Variants in SPON1 observed in about 807,000 individuals in gnomAD.
SPON1 encodes the protein spondin-1.
Under a neutral mutation model 111.7 loss-of-function variants are expected in SPON1, and 52 were observed. The observed-to-expected ratio is 0.47, with a 90% CI of 0.37 to 0.59. The LOEUF (loss-of-function observed/expected upper bound fraction) is 0.59, where lower values mean the gene tolerates loss of function less well. SPON1 is among the 20% of genes least tolerant of loss of function. The pLI, the probability that SPON1 is intolerant of heterozygous loss-of-function variation, is 0.00. For missense variants in SPON1, 957 were observed against 1,068.5 expected, an observed-to-expected ratio of 0.90 and a Z score of 1.46; for synonymous variants, 410 against 395.8, an observed-to-expected ratio of 1.04 and a Z score of -0.43.
chr11:14,239,202 C>T (rs1190441175), intron 6 of SPON1, among the ~76,000 whole-genome samples: 1 of 152,136 alleles, frequency 6.6e-6, no homozygotes, highest in Non-Finnish European at 1.5e-5. Context: ...CTGTGTGCTC[C>T]AGTCTCTGTA....
At chr11:14,106,795 C>T (rs897539073) in intron 5 of SPON1, among the ~76,000 whole-genome samples, 10 of 152,046 alleles carry the variant, frequency 6.6e-5, no homozygotes, top group African/African-American at 2.2e-4. Flanking sequence ...AGTTGTAATC[C>T]CTTTACTATA....
At chr11:14,124,416 A>G (rs991009580) in intron 5 of SPON1, among the ~76,000 whole-genome samples, 5 of 152,082 alleles carry the variant, frequency 3.3e-5, no homozygotes, top group African/African-American at 7.2e-5. Context: ...GTGCCCCCTT[A>G]TTTGTGCTGT....
intron 7 of SPON1, among the ~76,000 whole-genome samples, chr11:14,246,746 G>A (rs1848994957): frequency 6.6e-6 from 1 of 152,166 alleles, no homozygotes; most frequent in South Asian, 2.1e-4. Context: ...TCCTTATGGA[G>A]ATTACAATTC....
chr11:14,196,939 A>T (rs781818340), intron 6 of SPON1, among the ~76,000 whole-genome samples: 1 of 152,186 alleles, frequency 6.6e-6, no homozygotes, highest in Non-Finnish European at 1.5e-5. Flanking sequence ...AGTCCCAGCT[A>T]CTTGGGAGGC....
chr11:14,119,709 C>T (rs1849290883), intron 5 of SPON1, among the ~76,000 whole-genome samples: 1 of 152,190 alleles, frequency 6.6e-6, no homozygotes, highest in African/African-American at 2.4e-5. Flanking sequence ...AAGCTGTCTA[C>T]TTGCCACATG....
chr11:14,084,306 A>G (rs982590694), intron 5 of SPON1, among the ~76,000 whole-genome samples: 1 of 151,656 alleles, frequency 6.6e-6, no homozygotes, highest in Non-Finnish European at 1.5e-5. Flanking sequence ...CTTGCCCTGC[A>G]CTCCCCGACA....
chr11:14,145,499 A>G (rs1847706770), intron 6 of SPON1, among the ~76,000 whole-genome samples: 1 of 152,250 alleles, frequency 6.6e-6, no homozygotes, highest in Non-Finnish European at 1.5e-5. Context: ...CTTAAGATTT[A>G]GAAGACAATT....
chr11:14,198,662 T>C (rs1848428064), intron 6 of SPON1, among the ~76,000 whole-genome samples: 1 of 152,218 alleles, frequency 6.6e-6, no homozygotes, highest in Non-Finnish European at 1.5e-5. Context: ...ATTCAGGGCG[T>C]GGGCCCTGGA....
chr11:14,107,760 AGT>A (rs1299737438), intron 5 of SPON1, among the ~76,000 whole-genome samples: 5 of 152,188 alleles, frequency 3.3e-5, no homozygotes, highest in Admixed American at 3.3e-4. Flanking sequence ...GCCTTTCTAA[AGT>A]GAGAGAAACT....
intron 6 of SPON1, among the ~76,000 whole-genome samples, chr11:14,242,896 A>G (rs1282077500): frequency 6.6e-6 from 1 of 152,244 alleles, no homozygotes; most frequent in Non-Finnish European, 1.5e-5. Context: ...TTGAGGGGAC[A>G]GTCCTCAGGG....
At chr11:14,264,463 T>TA (rs1443561002) in intron 15 of SPON1, among the ~76,000 whole-genome samples, 1 of 152,220 alleles carries the variant, frequency 6.6e-6, no homozygotes, top group African/African-American at 2.4e-5. Context: ...GGTGCCCATG[T>TA]AAAAAAGTGA....
chr11:14,069,959 A>G (rs1848862438), intron 3 of SPON1, among the ~76,000 whole-genome samples: 1 of 152,136 alleles, frequency 6.6e-6, no homozygotes, highest in South Asian at 2.1e-4. Flanking sequence ...ACTCTTGAAC[A>G]TACCTCCATT....
At chr11:14,251,381 T>G (rs1849052334) in intron 7 of SPON1, among the ~76,000 whole-genome samples, 1 of 152,240 alleles carries the variant, frequency 6.6e-6, no homozygotes. Context: ...GCTACAGATT[T>G]GGATACAACA....
At position 14,267,403 on chromosome 11, in the gene SPON1, C is replaced by T. The variant is rs184608420; in HGVS notation, c.*1716C>T. ...GAATTGCTTTCTCCCAAAAAAAGCA[C>T]AATATAAAGAAACACAAGATTTAAT... is the stretch of plus-strand genomic sequence containing the variant. On this transcript the variant is annotated 3_prime_UTR_variant, in exon 16 of 16. Transcript: ENST00000576479. The T allele has an allele frequency of 1.3e-5, 2 of 151,974 alleles. No individual in the cohort carries two copies. The highest frequency in any genetic ancestry group is 6.6e-5 in the Admixed American group (1 of 15,254). 9.4% of individuals were successfully genotyped at this position (151,974 alleles called of 1,614,324 possible).
At chr11:14,036,843 T>C (rs1848598031) in intron 2 of SPON1, among the ~76,000 whole-genome samples, 2 of 152,062 alleles carry the variant, frequency 1.3e-5, no homozygotes, top group Admixed American at 6.6e-5. Flanking sequence ...GAAGGAGCTA[T>C]GGCACAGAAG....
chr11:14,243,498 C>A, intron 7 of SPON1, 102 bp downstream of exon 7: 1 of 949,628 alleles, frequency 1.1e-6, no homozygotes, highest in Non-Finnish European at 1.7e-6. Context: ...TTGAAGTTAG[C>A]ACTACTTCTC....
rs540717904 is a variant in SPON1 at position 14,147,841 on chromosome 11, C to T, written c.825+12273C>T. 2.7e-5 allele frequency among the ~76,000 whole-genome samples: 4 copies of T among 149,312 alleles called. No homozygotes were observed. In the South Asian group the frequency reaches 8.5e-4, roughly 32 times the overall value. ...CTTCTTATGGTCAGTTTTTAAAAGA[C>T]CAACAAACCAATAGATCAAAACACA... is the stretch of plus-strand genomic sequence containing the variant. On this transcript the variant is annotated intron_variant, in intron 6 of 15. Transcript: ENST00000576479.
At chr11:14,236,286 A>G (rs1848866332) in intron 6 of SPON1, among the ~76,000 whole-genome samples, 1 of 151,994 alleles carries the variant, frequency 6.6e-6, no homozygotes, top group Admixed American at 6.6e-5. Context: ...TTGGAAGTGG[A>G]GTTGACAGGG....
rs1919300 is a variant in SPON1 at position 14,110,119 on chromosome 11, A to G, written c.677-25301A>G. Among the ~76,000 whole-genome samples, 419 of 152,306 alleles carry G rather than the reference A, an allele frequency of 2.8e-3. 2 individuals carry two copies. Among genetic ancestry groups the G allele is most frequent in the African/African-American group, 9.1e-3 (380 of 41,562 alleles). Reference sequence around the variant, plus strand: ...CTATCAGTTATCCTACTGGCCATCCAGGGTAGGAAGAAGACTAAAGCCTTC... The same window carrying G: ...CTATCAGTTATCCTACTGGCCATCCGGGGTAGGAAGAAGACTAAAGCCTTC... On this transcript the variant is annotated intron_variant, in intron 5 of 15. Transcript: ENST00000576479.
Sources: allele counts gnomAD v4.1 joint callset (sites outside exome capture counted in the v4.1 genomes callset), GRCh38; gene constraint gnomAD v4.1.1; transcripts MANE v1.5; gene names NCBI Gene and HGNC (gene_info 2026-07-23, HGNC 2026-07-21).